Variants in LRFN2 observed in about 807,000 individuals in gnomAD.
LRFN2 encodes the protein leucine rich repeat and fibronectin type III domain containing 2.
A neutral mutation model predicts 37.3 loss-of-function variants in LRFN2; 18 were observed. The observed-to-expected ratio is 0.48, with a 90% CI of 0.33 to 0.72. The LOEUF is 0.72. Ranked by LOEUF, LRFN2 falls within the 30% of genes least tolerant of loss-of-function variation. The probability of loss-of-function intolerance (pLI) is 0.02; values close to 1 mark genes in which losing one functional copy is unlikely to be tolerated. For synonymous variants in LRFN2, 556 were observed against 466.6 expected, an observed-to-expected ratio of 1.19 and a Z score of -2.47; for missense variants, 1,006 against 1,060.7, an observed-to-expected ratio of 0.95 and a Z score of 0.72.
intron 1 of LRFN2, among the ~76,000 whole-genome samples, chr6:40,517,717 G>T (rs1312281921): frequency 6.6e-6 from 1 of 152,120 alleles, no homozygotes; most frequent in Non-Finnish European, 1.5e-5. Flanking sequence ...CCTAATTAGG[G>T]GGGTTAATTA....
intron 1 of LRFN2, among the ~76,000 whole-genome samples, chr6:40,442,658 A>T (rs1451138333): frequency 6.6e-6 from 1 of 152,282 alleles, no homozygotes; most frequent in East Asian, 1.9e-4. Context: ...TTCCCCTCAG[A>T]CTGGGGCTCC....
intron 1 of LRFN2, among the ~76,000 whole-genome samples, chr6:40,490,285 A>T (rs1201648562): frequency 1.3e-5 from 2 of 152,218 alleles, no homozygotes; most frequent in African/African-American, 2.4e-5. Flanking sequence ...TGCTTGGAAC[A>T]GACTCTCTGG....
intron 1 of LRFN2, among the ~76,000 whole-genome samples, chr6:40,539,406 T>C (rs1343447483): frequency 6.6e-6 from 1 of 152,172 alleles, no homozygotes; most frequent in African/African-American, 2.4e-5. Context: ...AATAGAGGAA[T>C]AAATAAAGAC....
At chr6:40,471,079 G>A (rs947360646) in intron 1 of LRFN2, among the ~76,000 whole-genome samples, 2 of 152,074 alleles carry the variant, frequency 1.3e-5, no homozygotes, top group Non-Finnish European at 2.9e-5. Flanking sequence ...CAGTGGCTGA[G>A]AAAGAAAAAG....
rs145694859 is a variant in LRFN2 at position 40,451,613 on chromosome 6, C to A, written c.-18-18482G>T. Reference sequence around the variant, plus strand: ...GCCACGCGGCCTGTGTTGGGGAGAGCAGACATTTCATTACTAGAATTCGGT... The same window carrying A: ...GCCACGCGGCCTGTGTTGGGGAGAGAAGACATTTCATTACTAGAATTCGGT... On this transcript the variant is annotated intron_variant, in intron 1 of 2. Transcript: ENST00000338305. Among the ~76,000 whole-genome samples, 770 of 152,298 alleles carry A rather than the reference C, an allele frequency of 5.1e-3. 6 individuals carry two copies. The highest frequency in any genetic ancestry group is 8.7e-3 in the Non-Finnish European group (595 of 68,024).
At chr6:40,399,439 T>C (rs866649749) in intron 2 of LRFN2, among the ~76,000 whole-genome samples, 12 of 49,266 alleles carry the variant, frequency 2.4e-4, no homozygotes, top group East Asian at 4.8e-4. Flanking sequence ...TTTTTTTTTC[T>C]TTTTTTTTTT....
chr6:40,425,785 G>A (rs1763340109), intron 2 of LRFN2, among the ~76,000 whole-genome samples: 1 of 152,244 alleles, frequency 6.6e-6, no homozygotes, highest in Non-Finnish European at 1.5e-5. Context: ...AAGCAGCTTG[G>A]GAGTGCAGCC....
intron 1 of LRFN2, among the ~76,000 whole-genome samples, chr6:40,512,913 G>A (rs1291962332): frequency 2.0e-5 from 3 of 152,246 alleles, no homozygotes; most frequent in Non-Finnish European, 4.4e-5. Flanking sequence ...CTCCAGGGCA[G>A]GATGGGGTTA....
At chr6:40,482,958 G>T (rs1382004984) in intron 1 of LRFN2, among the ~76,000 whole-genome samples, 3 of 152,236 alleles carry the variant, frequency 2.0e-5, no homozygotes, top group Non-Finnish European at 4.4e-5. Context: ...TGTCCCTGCT[G>T]CAGCCACTGT....
chr6:40,566,696 G>A (rs1330743218), intron 1 of LRFN2, among the ~76,000 whole-genome samples: 3 of 151,152 alleles, frequency 2.0e-5, no homozygotes, highest in African/African-American at 7.3e-5. Context: ...AGAACACATG[G>A]ACACAGGAAG....
intron 2 of LRFN2, among the ~76,000 whole-genome samples, chr6:40,414,265 C>T (rs934783689): frequency 2.0e-5 from 3 of 152,146 alleles, no homozygotes; most frequent in African/African-American, 7.2e-5. Flanking sequence ...CACTCAGAAG[C>T]TAGCTGAGCA....
chr6:40,418,390 C>A (rs1391932225), intron 2 of LRFN2, among the ~76,000 whole-genome samples: 1 of 152,168 alleles, frequency 6.6e-6, no homozygotes, highest in African/African-American at 2.4e-5. Context: ...TCTCTCCCCC[C>A]AGTAAGAATG....
intron 1 of LRFN2, among the ~76,000 whole-genome samples, chr6:40,458,988 T>C (rs1764289359): frequency 6.6e-6 from 1 of 152,226 alleles, no homozygotes; most frequent in South Asian, 2.1e-4. Flanking sequence ...TTACAGCAAC[T>C]TTACCTTATC....
At chr6:40,499,824 C>G (rs946503770) in intron 1 of LRFN2, among the ~76,000 whole-genome samples, 7 of 152,194 alleles carry the variant, frequency 4.6e-5, no homozygotes, top group Non-Finnish European at 1.0e-4. Context: ...AAGCTCAGAT[C>G]CCAGTTCTGC....
chr6:40,495,989 T>G (rs1765216326), intron 1 of LRFN2, among the ~76,000 whole-genome samples: 6 of 152,060 alleles, frequency 3.9e-5, no homozygotes, highest in Admixed American at 3.9e-4. Context: ...ATACATTCCC[T>G]CTTCTCACTC....
intron 1 of LRFN2, among the ~76,000 whole-genome samples, chr6:40,521,716 G>T (rs1655356): frequency 6.6e-6 from 1 of 152,096 alleles, no homozygotes; most frequent in African/African-American, 2.4e-5. Context: ...ACTGTATCAC[G>T]TGCTGGCAAT....
At chr6:40,514,651 T>A (rs1765808811) in intron 1 of LRFN2, among the ~76,000 whole-genome samples, 1 of 152,208 alleles carries the variant, frequency 6.6e-6, no homozygotes, top group Admixed American at 6.5e-5. Flanking sequence ...AGCATTGTTA[T>A]GTGCCAAAGA....
At chr6:40,426,185 G>A (rs1161079479) in intron 2 of LRFN2, among the ~76,000 whole-genome samples, 1 of 152,232 alleles carries the variant, frequency 6.6e-6, no homozygotes, top group African/African-American at 2.4e-5. Context: ...GCCATATTAT[G>A]TTGATCATGG....
At chr6:40,393,043 G>T in intron 2 of LRFN2, 131 bp from the exon 3 acceptor site, 1 of 750,502 alleles carries the variant, frequency 1.3e-6, no homozygotes, top group South Asian at 1.8e-5. Flanking sequence ...AGACAGACAC[G>T]GGGACACAGA....
Sources: allele counts gnomAD v4.1 joint callset (sites outside exome capture counted in the v4.1 genomes callset), GRCh38; gene constraint gnomAD v4.1.1; transcripts MANE v1.5; gene names NCBI Gene and HGNC (gene_info 2026-07-23, HGNC 2026-07-21).